The following ROBO2 variants were observed in gnomAD, a reference collection of about 807,000 sequenced individuals.
ROBO2 encodes the protein roundabout homolog 2.
ROBO2 carries 53 observed loss-of-function variants against 160.8 expected under a neutral mutation model. That is an observed-to-expected ratio of 0.33 (90% CI 0.26 to 0.41). The LOEUF is 0.41. ROBO2 is among the 10% of genes least tolerant of loss of function. The pLI is 1.00. For synonymous variants in ROBO2, 664 were observed against 611.7 expected, an observed-to-expected ratio of 1.09 and a Z score of -1.26; for missense variants, 1,577 against 1,722.4, an observed-to-expected ratio of 0.92 and a Z score of 1.49.
chr3:76,903,270 T>C (rs2075358141), intron 2 of ROBO2, among the ~76,000 whole-genome samples: 2 of 152,162 alleles, frequency 1.3e-5, no homozygotes. Context: ...CTTTATCACA[T>C]TATAAGTTAT....
chr3:76,630,730 T>A (rs1394150466), intron 2 of ROBO2, among the ~76,000 whole-genome samples: 1 of 152,314 alleles, frequency 6.6e-6, no homozygotes, highest in African/African-American at 2.4e-5. Flanking sequence ...TGACTCCAGG[T>A]GTGTAAGATC....
rs573554332 is a variant in ROBO2, at chr3:76,073,910, A to G, written c.109+136308A>G. Among the ~76,000 whole-genome samples, 15 of 152,290 alleles carry G rather than the reference A, an allele frequency of 9.8e-5. No homozygotes were observed. In the East Asian group the frequency reaches 2.7e-3, roughly 27 times the overall value. On this transcript the variant is annotated intron_variant, in intron 2 of 26. Coordinates refer to the ROBO2 transcript ENST00000487694. ...CACTGCCTTGAGCTTGCCCTCCAAT[A>G]TGGTGTCTCTGTGGGGCCCGTGTGG...
intron 2 of ROBO2, among the ~76,000 whole-genome samples, chr3:77,227,984 A>G (rs1456145559): frequency 6.6e-6 from 1 of 152,224 alleles, no homozygotes; most frequent in Non-Finnish European, 1.5e-5. Flanking sequence ...AGAGGTATGT[A>G]GAAGAGAAAA....
intron 2 of ROBO2, among the ~76,000 whole-genome samples, chr3:77,148,524 G>A (rs1337727171): frequency 6.6e-6 from 1 of 152,100 alleles, no homozygotes; most frequent in African/African-American, 2.4e-5. Flanking sequence ...TGTATAAAAA[G>A]AACTATTGTG....
chr3:76,306,105 A>T (rs893673017), intron 2 of ROBO2, among the ~76,000 whole-genome samples: 5 of 152,152 alleles, frequency 3.3e-5, no homozygotes, highest in Non-Finnish European at 5.9e-5. Context: ...GTTAAAATTG[A>T]TCCTGATTGA....
chr3:76,273,411 G>T (rs1463666897), intron 2 of ROBO2, among the ~76,000 whole-genome samples: 2 of 151,920 alleles, frequency 1.3e-5, no homozygotes, highest in Non-Finnish European at 2.9e-5. Flanking sequence ...CACGGAGTGG[G>T]TGTATTAGTC....
At chr3:76,629,641 C>T (rs1001317531) in intron 2 of ROBO2, among the ~76,000 whole-genome samples, 1 of 152,142 alleles carries the variant, frequency 6.6e-6, no homozygotes, top group Non-Finnish European at 1.5e-5. Context: ...TCCACTGACT[C>T]AAATGTTAAA....
chr3:76,322,164 GTATATATATATA>G (rs200388202), intron 2 of ROBO2, among the ~76,000 whole-genome samples: 4,233 of 108,120 alleles, frequency 0.039, 347 homozygotes, highest in African/African-American at 0.17. Context: ...TACTTCTTCC[GTATATATATATA>G]TATATATATA....
rs13084733 is a variant in ROBO2 at position 76,480,815 on chromosome 3, T to C, written c.109+543213T>C. Among the ~76,000 whole-genome samples, 25 of 152,276 alleles carry C rather than the reference T, an allele frequency of 1.6e-4. No individual in the cohort carries two copies. In the East Asian group the frequency reaches 4.8e-3, roughly 29 times the overall value. ...CATTCAGATTATAGCAAAGATAATA[T>C]TTTCACCTGATAGAAATATCAATAT... On this transcript the variant is annotated intron_variant, in intron 2 of 26. Coordinates refer to the ROBO2 transcript ENST00000487694.
chr3:76,295,938 C>T (rs1017181692), intron 2 of ROBO2, among the ~76,000 whole-genome samples: 7 of 152,276 alleles, frequency 4.6e-5, no homozygotes, highest in East Asian at 1.9e-4. Flanking sequence ...ACCCTCCCCA[C>T]GTACACATAG....
intron 2 of ROBO2, among the ~76,000 whole-genome samples, chr3:77,105,508 G>A (rs565091819): frequency 6.6e-6 from 1 of 152,136 alleles, no homozygotes; most frequent in Non-Finnish European, 1.5e-5. Context: ...TATTTTGGCT[G>A]TTTTGTGAGT....
intron 2 of ROBO2, among the ~76,000 whole-genome samples, chr3:77,115,582 A>G (rs896960555): frequency 5.3e-5 from 8 of 152,192 alleles, no homozygotes; most frequent in Admixed American, 2.6e-4. Context: ...AATAAGCCTC[A>G]CATTTTACAT....
chr3:76,155,819 A>G (rs911777178), intron 2 of ROBO2, among the ~76,000 whole-genome samples: 24 of 152,310 alleles, frequency 1.6e-4, no homozygotes, highest in Admixed American at 5.9e-4. Context: ...GTTAACAAAG[A>G]TGCATGTAAA....
chr3:76,645,263 TG>T (rs1364423724), intron 2 of ROBO2, among the ~76,000 whole-genome samples: 1 of 152,224 alleles, frequency 6.6e-6, no homozygotes, highest in Admixed American at 6.5e-5. Flanking sequence ...TCAAAAAGCT[TG>T]TACTTCCCAT....
intron 2 of ROBO2, among the ~76,000 whole-genome samples, chr3:76,992,365 ATAT>A (rs2060726002): frequency 2.6e-5 from 1 of 38,738 alleles, no homozygotes; most frequent in Non-Finnish European, 4.5e-5. Flanking sequence ...ATATATATAT[ATAT>A]AAATTTAGCT....
chr3:76,211,471 A>G (rs1229347858), intron 2 of ROBO2, among the ~76,000 whole-genome samples: 4 of 152,082 alleles, frequency 2.6e-5, no homozygotes, highest in Non-Finnish European at 4.4e-5. Context: ...TTAAAAACTT[A>G]ACTTTTAGAG....
chr3:76,148,213 A>C (rs987109463), intron 2 of ROBO2, among the ~76,000 whole-genome samples: 1 of 151,980 alleles, frequency 6.6e-6, no homozygotes, highest in African/African-American at 2.4e-5. Flanking sequence ...CCAAAAATAT[A>C]CTACCCCCTT....
At chr3:77,451,922 C>T (rs992566927) in intron 2 of ROBO2, among the ~76,000 whole-genome samples, 1 of 152,036 alleles carries the variant, frequency 6.6e-6, no homozygotes, top group Admixed American at 6.6e-5. Context: ...ATCCCTCCCC[C>T]AACCATCCCA....
At chr3:77,622,544 C>A in intron 23 of ROBO2, 112 bp downstream of exon 24, 1 of 912,692 alleles carries the variant, frequency 1.1e-6, no homozygotes, top group Non-Finnish European at 1.7e-6. Flanking sequence ...ATTTCTGTAA[C>A]ATTTTAAATG....
Sources: gnomAD v4.1 joint callset for allele counts (sites outside exome capture counted in the v4.1 genomes callset) on GRCh38, gnomAD v4.1.1 for gene constraint, MANE v1.5 for transcripts, NCBI Gene and HGNC (gene_info 2026-07-23, HGNC 2026-07-21) for gene names.